EBF2: variants seen among roughly 807,000 people sequenced by gnomAD.
The protein encoded by EBF2 is transcription factor COE2.
In EBF2, 21 loss-of-function variants were observed where a neutral mutation model predicts 72.8. That is an observed-to-expected ratio of 0.29 (90% CI 0.20 to 0.42). The LOEUF is 0.42. Ranked by LOEUF, EBF2 falls within the 10% of genes least tolerant of loss-of-function variation. EBF2 has a pLI of 1.00. For missense variants in EBF2, 637 were observed against 731.2 expected, an observed-to-expected ratio of 0.87 and a Z score of 1.49; for synonymous variants, 299 against 274.2, an observed-to-expected ratio of 1.09 and a Z score of -0.89.
At chr8:25,970,733 C>T (rs1804177777) in intron 6 of EBF2, among the ~76,000 whole-genome samples, 2 of 152,164 alleles carry the variant, frequency 1.3e-5, no homozygotes. Flanking sequence ...TTCTATCACC[C>T]CTTACTTCCC....
rs535177276 is a variant in EBF2, at chr8:25,853,985, A to G, written c.1529-3224T>C. Among the ~76,000 whole-genome samples, 11 of 152,248 alleles carry G rather than the reference A, an allele frequency of 7.2e-5. No individual in the cohort carries two copies. The South Asian group carries it at 1.0e-3, about 14-fold the overall frequency. ...TGGGATTATGAATACCCTTAAATGTATTGCTTTCACTTGTCCGTATCTTCA... is the reference window on the plus strand; with the variant it reads ...TGGGATTATGAATACCCTTAAATGTGTTGCTTTCACTTGTCCGTATCTTCA... On this transcript the variant is annotated intron_variant, in intron 14 of 15. Coordinates refer to ENST00000520164, the MANE Select transcript of EBF2 (RefSeq NM_022659.4).
chr8:25,907,144 T>C (rs7813750), intron 7 of EBF2, among the ~76,000 whole-genome samples: 315 of 151,970 alleles, frequency 2.1e-3, no homozygotes, highest in African/African-American at 7.0e-3. Flanking sequence ...CAGGGTCCGA[T>C]GTGGTAGCTC....
rs1158880726 is a variant in EBF2, at chr8:26,044,252, C to T, written c.131+477G>A. 3.3e-5 allele frequency among the ~76,000 whole-genome samples: 5 copies of T among 152,162 alleles called. No homozygotes were observed. Among genetic ancestry groups the T allele is most frequent in the Non-Finnish European group, 7.4e-5 (5 of 68,022 alleles). On this transcript the variant is annotated intron_variant, in intron 1 of 15. Coordinates refer to ENST00000520164, the MANE Select transcript of EBF2 (RefSeq NM_022659.4). This position sits in a 1 kb window ranked among gnomAD's most constrained non-coding sequence, Gnocchi z 4.1. ...CTCGCCGCCGCCACCCTCTGGCCGC[C>T]GGCCTCCCAGGCTCCAGGAATCGCC...
At chr8:25,895,500 A>G (rs1477063194) in intron 7 of EBF2, among the ~76,000 whole-genome samples, 5 of 152,238 alleles carry the variant, frequency 3.3e-5, no homozygotes. Context: ...AAACATGAAT[A>G]AAAAGTCTGT....
chr8:25,983,263 T>C (rs774952290), intron 6 of EBF2, among the ~76,000 whole-genome samples: 5 of 152,178 alleles, frequency 3.3e-5, no homozygotes, highest in Admixed American at 6.5e-5. Context: ...ATGTGCATCA[T>C]TGAGTGTGAA....
At chr8:25,973,311 T>G (rs1447814363) in intron 6 of EBF2, among the ~76,000 whole-genome samples, 1 of 152,168 alleles carries the variant, frequency 6.6e-6, no homozygotes, top group Non-Finnish European at 1.5e-5. Flanking sequence ...TACCTTTCTT[T>G]CCCCTGCCCA....
intron 15 of EBF2, among the ~76,000 whole-genome samples, chr8:25,848,156 G>A (rs897232494): frequency 1.3e-5 from 2 of 152,070 alleles, no homozygotes; most frequent in African/African-American, 2.4e-5. Context: ...GTGCCACCAC[G>A]CCTGGCCCCT....
chr8:26,018,991 A>T (rs972445358), intron 6 of EBF2, among the ~76,000 whole-genome samples: 11 of 151,422 alleles, frequency 7.3e-5, no homozygotes, highest in African/African-American at 2.4e-4. Context: ...GGTATTAGGC[A>T]TCCTCTCACT....
At chr8:25,919,387 G>A (rs576332215) in intron 6 of EBF2, among the ~76,000 whole-genome samples, 1 of 152,088 alleles carries the variant, frequency 6.6e-6, no homozygotes, top group Non-Finnish European at 1.5e-5. Flanking sequence ...TTCAAAGAGA[G>A]GAGAAATATA....
intron 5 of EBF2, among the ~76,000 whole-genome samples, chr8:26,039,713 C>T (rs1805566062): frequency 6.6e-6 from 1 of 152,248 alleles, no homozygotes; most frequent in Admixed American, 6.5e-5. Flanking sequence ...ATCCCAAACC[C>T]GGCCCGGGGT....
chr8:26,016,808 A>G (rs2117240086), intron 6 of EBF2, among the ~76,000 whole-genome samples: 1 of 152,346 alleles, frequency 6.6e-6, no homozygotes, highest in Middle Eastern at 3.4e-3. Flanking sequence ...AATAAAGTCA[A>G]GACACTTGCC....
At chr8:26,009,857 T>G (rs1484681947) in intron 6 of EBF2, among the ~76,000 whole-genome samples, 1 of 152,110 alleles carries the variant, frequency 6.6e-6, no homozygotes, top group Non-Finnish European at 1.5e-5. Context: ...ACTGCTGACA[T>G]CCTAAGCCAA....
chr8:26,007,796 GCACA>G (rs140724666), intron 6 of EBF2, among the ~76,000 whole-genome samples: 2 of 150,224 alleles, frequency 1.3e-5, no homozygotes, highest in African/African-American at 2.4e-5. Context: ...TTGCACATGT[GCACA>G]CACACACACA....
At chr8:25,963,484 C>T (rs767614757) in intron 6 of EBF2, among the ~76,000 whole-genome samples, 14 of 152,174 alleles carry the variant, frequency 9.2e-5, no homozygotes, top group Non-Finnish European at 1.5e-4. Flanking sequence ...AACAAAGCCC[C>T]GGTGCTGTCC....
intron 6 of EBF2, among the ~76,000 whole-genome samples, chr8:26,015,312 G>C (rs772923822): frequency 1.4e-4 from 21 of 152,200 alleles, no homozygotes; most frequent in Non-Finnish European, 2.6e-4. Context: ...CGAGTTCATA[G>C]ACACACAAAT....
intron 10 of EBF2, among the ~76,000 whole-genome samples, chr8:25,866,634 TA>T (rs1387605444): frequency 0.039 from 2,306 of 59,440 alleles, 91 homozygotes; most frequent in African/African-American, 0.16. Context: ...TATATATATA[TA>T]TTTTTTTTTT....
chr8:25,944,939 G>A (rs551497882), intron 6 of EBF2, among the ~76,000 whole-genome samples: 1 of 152,088 alleles, frequency 6.6e-6, no homozygotes, highest in East Asian at 1.9e-4. Flanking sequence ...CAGTGTTCAG[G>A]ACTGCTCTTG....
chr8:25,996,313 TGAA>T (rs1367042690), intron 6 of EBF2, among the ~76,000 whole-genome samples: 1 of 128,992 alleles, frequency 7.8e-6, no homozygotes. Flanking sequence ...AAAAAAAAAA[TGAA>T]GAAGGTTGAA....
At chr8:25,901,787 C>T (rs1802957663) in intron 7 of EBF2, among the ~76,000 whole-genome samples, 1 of 152,206 alleles carries the variant, frequency 6.6e-6, no homozygotes, top group South Asian at 2.1e-4. Context: ...TGCTGAGTTC[C>T]AGCAAGCACC....
Sources: gnomAD v4.1 joint callset for allele counts (sites outside exome capture counted in the v4.1 genomes callset) on GRCh38, gnomAD v4.1.1 for gene constraint, Gnocchi (gnomAD v3.1) non-coding constraint, MANE v1.5 for transcripts, NCBI Gene and HGNC (gene_info 2026-07-23, HGNC 2026-07-21) for gene names.